TFPI: variants seen among roughly 807,000 people sequenced by gnomAD.
The protein encoded by TFPI is anti-convertin.
A neutral mutation model predicts 34.6 loss-of-function variants in TFPI; 15 were observed. That is an observed-to-expected ratio of 0.43 (90% CI 0.29 to 0.67). The LOEUF (loss-of-function observed/expected upper bound fraction) is 0.67. TFPI is among the 30% of genes least tolerant of loss of function. The pLI is 0.15. For missense variants in TFPI, 301 were observed against 364.0 expected, an observed-to-expected ratio of 0.83 and a Z score of 1.41; for synonymous variants, 105 against 120.1, an observed-to-expected ratio of 0.87 and a Z score of 0.82.
At chr2:187,488,404 A>G (rs547810333) in intron 3 of TFPI, 29 bp from the exon 4 acceptor site, 24 of 1,381,100 alleles carry the variant, frequency 1.7e-5, no homozygotes, top group African/African-American at 8.9e-5. Context: ...ATGCATATCA[A>G]TTGTCACAAT....
intron 1 of TFPI, among the ~76,000 whole-genome samples, chr2:187,520,025 C>T (rs766089996): frequency 1.7e-4 from 26 of 152,248 alleles, no homozygotes; most frequent in Non-Finnish European, 3.5e-4. Context: ...CCCAGGGCGA[C>T]TTCAGACTGC....
intron 6 of TFPI, among the ~76,000 whole-genome samples, chr2:187,468,187 T>C (rs1398162545): frequency 6.6e-6 from 1 of 151,632 alleles, no homozygotes; most frequent in African/African-American, 2.4e-5. Flanking sequence ...TGATTACTCT[T>C]TATATGAACA....
chr2:187,552,984 T>C (rs1163300088), intron 1 of TFPI, among the ~76,000 whole-genome samples: 2 of 152,136 alleles, frequency 1.3e-5, no homozygotes, highest in Non-Finnish European at 2.9e-5. Flanking sequence ...TATTAAGCTG[T>C]AGGCCACAAA....
intron 6 of TFPI, among the ~76,000 whole-genome samples, chr2:187,473,120 CAAG>C (rs1479263789): frequency 3.9e-5 from 6 of 152,032 alleles, no homozygotes; most frequent in Non-Finnish European, 8.8e-5. Flanking sequence ...ATGTTAGAAT[CAAG>C]AAAATATAAT....
intron 3 of TFPI, among the ~76,000 whole-genome samples, chr2:187,491,271 G>A (rs1178141668): frequency 1.3e-5 from 2 of 152,046 alleles, no homozygotes; most frequent in East Asian, 3.9e-4. Flanking sequence ...TAGTGGTGAA[G>A]TGGATTTTAG....
At chr2:187,471,730 G>A (rs1356909623) in intron 6 of TFPI, among the ~76,000 whole-genome samples, 1 of 151,470 alleles carries the variant, frequency 6.6e-6, no homozygotes, top group Non-Finnish European at 1.5e-5. Context: ...TCTAAACTCA[G>A]TTTTACAGGT....
intron 6 of TFPI, among the ~76,000 whole-genome samples, chr2:187,476,521 G>A (rs1035960930): frequency 6.6e-6 from 1 of 151,956 alleles, no homozygotes; most frequent in African/African-American, 2.4e-5. Context: ...TTTATCTTTT[G>A]TAGAGAGAGG....
At chr2:187,480,667 TATTTC>T (rs1427110418) in intron 6 of TFPI, among the ~76,000 whole-genome samples, 1 of 152,128 alleles carries the variant, frequency 6.6e-6, no homozygotes, top group Non-Finnish European at 1.5e-5. Flanking sequence ...GCTTTAGAAA[TATTTC>T]AGGTGGAGAG....
intron 3 of TFPI, among the ~76,000 whole-genome samples, chr2:187,495,824 A>G (rs1458630713): frequency 2.6e-5 from 4 of 152,188 alleles, no homozygotes; most frequent in Non-Finnish European, 5.9e-5. Flanking sequence ...GTATCCAACC[A>G]GCTCTACGAA....
At chr2:187,543,436 C>T (rs1257222128) in intron 1 of TFPI, among the ~76,000 whole-genome samples, 1 of 152,194 alleles carries the variant, frequency 6.6e-6, no homozygotes, top group East Asian at 1.9e-4. Context: ...TAAGATCAAC[C>T]AAGTAAAAAA....
At chr2:187,474,505 C>G (rs1221269446) in intron 6 of TFPI, among the ~76,000 whole-genome samples, 1 of 152,082 alleles carries the variant, frequency 6.6e-6, no homozygotes, top group Non-Finnish European at 1.5e-5. Flanking sequence ...TAAAGAGCCA[C>G]TGAAATTATT....
At chr2:187,471,090 G>A (rs1243284044) in intron 6 of TFPI, among the ~76,000 whole-genome samples, 3 of 152,322 alleles carry the variant, frequency 2.0e-5, no homozygotes, top group African/African-American at 7.2e-5. Context: ...TGTATTATGT[G>A]TAATTAACTT....
chr2:187,480,892 A>G (rs1313811390), intron 6 of TFPI, among the ~76,000 whole-genome samples: 1 of 152,144 alleles, frequency 6.6e-6, no homozygotes, highest in African/African-American at 2.4e-5. Context: ...CTTAGTAAGT[A>G]TTCAAGTATC....
In TFPI at chr2:187,464,339, A is replaced by G. The variant is rs565571888; in HGVS notation, c.*2597T>C. ...TTTGAATACAGAGAATGAACAAAGC[A>G]GGTAAATATATGTATATGCTGAATA... On this transcript the variant is annotated 3_prime_UTR_variant, in exon 8 of 8. Transcript: ENST00000233156. The G allele has an allele frequency of 2.6e-5, 4 of 152,348 alleles. No homozygotes were observed. The highest frequency in any genetic ancestry group is 9.6e-5 in the African/African-American group (4 of 41,582). 9.4% of individuals were successfully genotyped at this position (152,348 alleles called of 1,614,324 possible).
chr2:187,487,675 T>C (rs1237221518), intron 4 of TFPI, among the ~76,000 whole-genome samples: 2 of 64,974 alleles, frequency 3.1e-5, no homozygotes, highest in African/African-American at 1.9e-4. Flanking sequence ...TTGATAACAT[T>C]TTTTCTTGTG....
chr2:187,536,388 C>A (rs1056351766), intron 1 of TFPI, among the ~76,000 whole-genome samples: 1 of 152,094 alleles, frequency 6.6e-6, no homozygotes, highest in South Asian at 2.1e-4. Flanking sequence ...TATCCCCCAC[C>A]ATTAAGTTGG....
intron 1 of TFPI, chr2:187,529,510 A>G (rs1366666432): frequency 6.6e-6 from 1 of 152,200 alleles, no homozygotes; most frequent in Non-Finnish European, 1.5e-5. Context: ...AGAGAAAGAA[A>G]GATATCTTTT....
chr2:187,482,204 G>T (rs1276934186), intron 6 of TFPI, among the ~76,000 whole-genome samples: 1 of 151,984 alleles, frequency 6.6e-6, no homozygotes, highest in Non-Finnish European at 1.5e-5. Flanking sequence ...TCAAACAAAA[G>T]TATTCAAGCA....
At position 187,464,930 on chromosome 2, in the gene TFPI, G is replaced by A. The variant is rs1418240013; in HGVS notation, c.*2006C>T. On this transcript the variant is annotated 3_prime_UTR_variant, in exon 8 of 8. Transcript: ENST00000233156. ...CTGTAGCTGGCATCAGCTGTACCCTGACTTCACATGAATGGCCTGGAGGGG... is the reference window on the plus strand; with the variant it reads ...CTGTAGCTGGCATCAGCTGTACCCTAACTTCACATGAATGGCCTGGAGGGG... 1 of 152,184 alleles carries A rather than the reference G, an allele frequency of 6.6e-6. No homozygotes were observed. The highest frequency in any genetic ancestry group is 1.5e-5 in the Non-Finnish European group (1 of 68,034). The allele number at this position is 152,184 out of a possible 1,614,324, so 9.4% of individuals were successfully genotyped here.
Sources: gnomAD v4.1 joint callset for allele counts (sites outside exome capture counted in the v4.1 genomes callset) on GRCh38, gnomAD v4.1.1 for gene constraint, MANE v1.5 for transcripts, NCBI Gene and HGNC (gene_info 2026-07-23, HGNC 2026-07-21) for gene names.